Variants in WNT3A observed in about 807,000 individuals in gnomAD.
The protein encoded by WNT3A is protein Wnt-3a.
A neutral mutation model predicts 37.0 loss-of-function variants in WNT3A; 17 were observed. That is an observed-to-expected ratio of 0.46 (90% CI 0.31 to 0.69). WNT3A has a LOEUF of 0.69. Ranked by LOEUF, WNT3A falls within the 30% of genes least tolerant of loss-of-function variation. The pLI, the probability that WNT3A is intolerant of heterozygous loss-of-function variation, is 0.05. For synonymous variants in WNT3A, 187 were observed against 211.0 expected (o/e 0.89, Z 0.99); for missense variants, 411 against 510.2 (o/e 0.81, Z 1.87).
intron 3 of WNT3A, among the ~76,000 whole-genome samples, chr1:228,053,566 C>T (rs1054245180): frequency 6.6e-6 from 1 of 152,130 alleles, no homozygotes; most frequent in African/African-American, 2.4e-5. Flanking sequence ...CACATACATA[C>T]ATCCACACTC....
chr1:228,024,304 G>C (rs796212177), intron 2 of WNT3A, among the ~76,000 whole-genome samples: 6 of 152,322 alleles, frequency 3.9e-5, no homozygotes, highest in African/African-American at 1.4e-4. Flanking sequence ...GAGGGTTCCA[G>C]ATTCATCCTC....
intron 3 of WNT3A, among the ~76,000 whole-genome samples, chr1:228,056,285 A>G (rs1412956066): frequency 1.3e-5 from 2 of 152,274 alleles, no homozygotes. Context: ...GGCAAAGTCC[A>G]AAACAAACAA....
intron 1 of WNT3A, among the ~76,000 whole-genome samples, chr1:228,019,764 T>C (rs2030630974): frequency 6.6e-6 from 1 of 152,252 alleles, no homozygotes; most frequent in Non-Finnish European, 1.5e-5. Flanking sequence ...CTTACGTCAG[T>C]CTGCTCTGTC....
At chr1:228,047,488 C>T (rs183756689) in intron 2 of WNT3A, among the ~76,000 whole-genome samples, 60 of 152,186 alleles carry the variant, frequency 3.9e-4, no homozygotes, top group African/African-American at 1.1e-3. Flanking sequence ...CACACTCACT[C>T]GTGCCTTTCT....
rs183651475 is a variant in WNT3A, at chr1:228,036,656, G to A, written c.313+13748G>A. On this transcript the variant is annotated intron_variant, in intron 2 of 3. Transcript: ENST00000284523. ...GCATTTGAGGAATTTTAAGTGCATG[G>A]AGACTGGGCACACCGTGCAGCTTCT... is the stretch of plus-strand genomic sequence containing the variant. 9.3e-4 allele frequency among the ~76,000 whole-genome samples: 141 copies of A among 152,324 alleles called. 2 individuals are homozygous for A. The East Asian group carries it at 0.015, about 16-fold the overall frequency.
chr1:228,060,048 C>CG lies in WNT3A; in HGVS notation c.*588dup. The CG allele has an allele frequency of 1.7e-6, 2 of 1,187,924 alleles. No individual in the cohort carries two copies. The highest frequency in any genetic ancestry group is 2.1e-6 in the Non-Finnish European group (2 of 940,678). 73.6% of individuals were successfully genotyped at this position (1,187,924 alleles called of 1,614,324 possible). On this transcript the variant is annotated 3_prime_UTR_variant, in exon 4 of 4. Coordinates refer to ENST00000284523, the MANE Select transcript of WNT3A (RefSeq NM_033131.4). Reference sequence around the variant, plus strand: ...CCTGACCAGGGCAAGGCCCCTTCCACGGGGGCTGTGGCTCTGGGTGGGCGT... The same window carrying CG: ...CCTGACCAGGGCAAGGCCCCTTCCACGGGGGGCTGTGGCTCTGGGTGGGCGT...
chr1:228,034,976 TATGCCACACAGGTATACATGTGGCGCAA>T (rs2031098849), intron 2 of WNT3A, among the ~76,000 whole-genome samples: 1 of 152,076 alleles, frequency 6.6e-6, no homozygotes, highest in Admixed American at 6.5e-5. Flanking sequence ...CCCTATAGCA[TATGCCACACAGGTATACATGTGGCGCAA>T]ATGTACACAG....
At chr1:228,025,183 T>A (rs2030822690) in intron 2 of WNT3A, among the ~76,000 whole-genome samples, 1 of 152,140 alleles carries the variant, frequency 6.6e-6, no homozygotes, top group South Asian at 2.1e-4. Flanking sequence ...TTAGGAGCAG[T>A]TTTTCCATTT....
At position 228,050,438 on chromosome 1, in the gene WNT3A, A is replaced by C. The variant is rs2031518122; in HGVS notation, c.314-218A>C. Among the ~76,000 whole-genome samples, 1 of 152,176 alleles carries C rather than the reference A, an allele frequency of 6.6e-6. No individual in the cohort carries two copies. The highest frequency in any genetic ancestry group is 2.4e-5 in the African/African-American group (1 of 41,434). On this transcript the variant is annotated intron_variant, in intron 2 of 3. Coordinates refer to ENST00000284523, the MANE Select transcript of WNT3A (RefSeq NM_033131.4). The surrounding 1 kb of genome is among the most constrained non-coding windows in gnomAD (Gnocchi z 5.0). Reference sequence around the variant, plus strand: ...TTACGCCCCCTTTCCCTTCTGCCACAAGTGGAAACAGCCTGAGGCCCTTGC... The same window carrying C: ...TTACGCCCCCTTTCCCTTCTGCCACCAGTGGAAACAGCCTGAGGCCCTTGC...
In WNT3A at chr1:228,050,027, CCT is replaced by C. The variant is rs1419892594; in HGVS notation, c.314-626_314-625del. Among the ~76,000 whole-genome samples the C allele has an allele frequency of 6.6e-6, 1 of 151,902 alleles. No homozygotes were observed. Among genetic ancestry groups the C allele is most frequent in the Non-Finnish European group, 1.5e-5 (1 of 67,982 alleles). ...CTCCTGGGCTCAAGCAATCCTCCCA[CCT>C]CTGCCTCCCAAAGGGCTGGGATTAC... On this transcript the variant is annotated intron_variant, in intron 2 of 3. Coordinates refer to ENST00000284523, the MANE Select transcript of WNT3A (RefSeq NM_033131.4). The surrounding 1 kb of genome is among the most constrained non-coding windows in gnomAD (Gnocchi z 5.0).
At position 228,008,325 on chromosome 1, in the gene WNT3A, A is replaced by T. The variant is rs1395609620; in HGVS notation, c.71+1126A>T. 6.6e-6 allele frequency among the ~76,000 whole-genome samples: 1 copy of T among 152,110 alleles called. No homozygotes were observed. The highest frequency in any genetic ancestry group is 6.5e-5 in the Admixed American group (1 of 15,276). ...GCCTGGAATTATAATAATTACGCCG[A>T]GGGGAAGGGGGGAGACCCAGCGAGC... On this transcript the variant is annotated intron_variant, in intron 1 of 3. Coordinates refer to ENST00000284523, the MANE Select transcript of WNT3A (RefSeq NM_033131.4). This position sits in a 1 kb window ranked among gnomAD's most constrained non-coding sequence, Gnocchi z 4.9.
rs2031236414 is a variant in WNT3A, at chr1:228,039,860, A to G, written c.314-10796A>G. ...CCGAGGAGCTGGATTTCATTGTCCT[A>G]TGGTCGCATTTAACAACAATCCCCA... On this transcript the variant is annotated intron_variant, in intron 2 of 3. Transcript: ENST00000284523. The surrounding 1 kb of genome is among the most constrained non-coding windows in gnomAD (Gnocchi z 4.1). 1.3e-5 allele frequency among the ~76,000 whole-genome samples: 2 copies of G among 152,076 alleles called. No individual in the cohort carries two copies. The highest frequency in any genetic ancestry group is 6.5e-5 in the Admixed American group (1 of 15,282).
chr1:228,048,466 C>T (rs1335790506), intron 2 of WNT3A, among the ~76,000 whole-genome samples: 1 of 152,214 alleles, frequency 6.6e-6, no homozygotes, highest in African/African-American at 2.4e-5. Context: ...TGGTTGGCTC[C>T]CTGCTAGTTC....
intron 2 of WNT3A, among the ~76,000 whole-genome samples, chr1:228,046,032 G>A (rs1382452701): frequency 2.0e-5 from 3 of 152,248 alleles, no homozygotes; most frequent in Non-Finnish European, 2.9e-5. Flanking sequence ...GAGGACACCC[G>A]ATCCCTGGCC....
Position 228,007,140 on chromosome 1 carries a change from C to G in WNT3A, c.12C>G (p.Leu4=). The change falls in exon 1 of 4, where the codon CTC becomes CTG. Residue 4 remains leucine, a synonymous_variant. Coordinates refer to ENST00000284523, the MANE Select transcript of WNT3A (RefSeq NM_033131.4). The surrounding 1 kb of genome is among the most constrained non-coding windows in gnomAD (Gnocchi z 6.0). The stretch of plus-strand genomic sequence containing the variant: ...CCTCTCGCGCGGCGATGGCCCCACT[C>G]GGATACTTCTTACTCCTCTGCAGCC... MAP[L]GYFLLLCSLK... is the part of the protein sequence containing the mutation. 2 of 1,592,964 alleles carry G rather than the reference C, an allele frequency of 1.3e-6. No homozygotes were observed. The highest frequency in any genetic ancestry group is 8.5e-7 in the Non-Finnish European group (1 of 1,170,812).
chr1:228,055,519 G>A (rs2031668208), intron 3 of WNT3A, among the ~76,000 whole-genome samples: 1 of 151,836 alleles, frequency 6.6e-6, no homozygotes, highest in Non-Finnish European at 1.5e-5. Flanking sequence ...AGGATGGATG[G>A]ATAAATAGAT....
At chr1:228,030,108 A>G (rs1160655127) in intron 2 of WNT3A, among the ~76,000 whole-genome samples, 1 of 151,938 alleles carries the variant, frequency 6.6e-6, no homozygotes, top group Non-Finnish European at 1.5e-5. Flanking sequence ...AAATAAAAAT[A>G]AATAGGCCAG....
At chr1:228,009,826 C>A (rs1302165259) in intron 1 of WNT3A, among the ~76,000 whole-genome samples, 2 of 152,214 alleles carry the variant, frequency 1.3e-5, no homozygotes, top group African/African-American at 4.8e-5. Flanking sequence ...GGGCCACCTG[C>A]CTCCCCAGGG....
rs1448399930 is a variant in WNT3A at position 228,031,451 on chromosome 1, C to G, written c.313+8543C>G. On this transcript the variant is annotated intron_variant, in intron 2 of 3. Transcript: ENST00000284523. This position sits in a 1 kb window ranked among gnomAD's most constrained non-coding sequence, Gnocchi z 4.8. ...CTGCCAGGGTGCACAGGAGTCAGGT[C>G]CCAGGGCCGTGCAGCTCATCGAGCG... Among the ~76,000 whole-genome samples, 1 of 152,152 alleles carries G rather than the reference C, an allele frequency of 6.6e-6. No homozygotes were observed. The highest frequency in any genetic ancestry group is 1.5e-5 in the Non-Finnish European group (1 of 68,034).
Sources: allele counts gnomAD v4.1 joint callset (sites outside exome capture counted in the v4.1 genomes callset), GRCh38; gene constraint gnomAD v4.1.1; non-coding constraint Gnocchi (gnomAD v3.1); transcripts MANE v1.5; gene names NCBI Gene and HGNC (gene_info 2026-07-23, HGNC 2026-07-21).